Variants in PCYOX1L observed in about 807,000 individuals in gnomAD.
PCYOX1L encodes the protein prenylcysteine oxidase 1-like.
PCYOX1L carries 40 observed loss-of-function variants against 44.1 expected under a neutral mutation model. That is an observed-to-expected ratio of 0.91 (90% CI 0.70 to 1.18). The LOEUF (loss-of-function observed/expected upper bound fraction) is 1.18. PCYOX1L is among the 50% of genes most tolerant of loss of function. PCYOX1L has a pLI of 0.00. For synonymous variants in PCYOX1L, 266 were observed against 282.8 expected (o/e 0.94, Z 0.60); for missense variants, 605 against 653.3 (o/e 0.93, Z 0.81).
intron 4 of PCYOX1L, 34 bp from the exon 5 acceptor site, chr5:149,367,326 C>T: frequency 6.3e-7 from 1 of 1,590,936 alleles, no homozygotes; most frequent in Non-Finnish European, 8.5e-7. Context: ...ACGGCCCTGA[C>T]AACCTATCAG....
chr5:149,358,236 A>AT, intron 1 of PCYOX1L, 80 bp downstream of exon 1: 2 of 1,291,192 alleles, frequency 1.5e-6, no homozygotes, highest in Non-Finnish European at 2.0e-6. Flanking sequence ...TAGGTGGGGT[A>AT]TAGGAGGGCG....
intron 4 of PCYOX1L, among the ~76,000 whole-genome samples, chr5:149,367,011 C>A (rs549338385): frequency 6.6e-6 from 1 of 152,256 alleles, no homozygotes; most frequent in South Asian, 2.1e-4. Context: ...CAGAAAGAAA[C>A]CCCCTTGCCC....
rs931228949 is a variant in PCYOX1L, at chr5:149,365,968, A to G, written c.497A>G (p.Tyr166Cys). 7.4e-6 allele frequency: 12 copies of G among 1,614,236 alleles called. No homozygotes were observed. Among genetic ancestry groups the G allele is most frequent in the South Asian group, 4.4e-5 (4 of 91,078 alleles). The change falls in exon 4 of 6, where the codon TAT becomes TGT. Residue 166 changes from tyrosine to cysteine, a missense_variant. Tyr to Cys is a radical substitution (Grantham distance 194). Coordinates refer to ENST00000274569, the MANE Select transcript of PCYOX1L (RefSeq NM_024028.4). ...ATCTATAAGTACCAGGCCCACGGCT[A>G]TGCCTTCTCGGGTGTGGAGGAGCTG... ...MRIYKYQAHG[Y>C]AFSGVEELLY...
At chr5:149,360,917 CTCTGT>C (rs1757988797) in intron 1 of PCYOX1L, among the ~76,000 whole-genome samples, 1 of 152,214 alleles carries the variant, frequency 6.6e-6, no homozygotes, top group African/African-American at 2.4e-5. Context: ...GGAACTGGTA[CTCTGT>C]GGGTCCAAAT....
At chr5:149,363,704 C>A (rs749217155) in intron 2 of PCYOX1L, 6 of 336,466 alleles carry the variant, frequency 1.8e-5, no homozygotes, top group African/African-American at 4.2e-5. Flanking sequence ...GCTAGGATAA[C>A]TTCCAAGTGA....
At chr5:149,362,484 C>T in intron 1 of PCYOX1L, 153 bp from the exon 2 acceptor site, 3 of 740,164 alleles carry the variant, frequency 4.1e-6, no homozygotes, top group Non-Finnish European at 6.6e-6. Context: ...CTACTGACAA[C>T]TCAGTCCGCA....
Position 149,369,207 on chromosome 5 carries a change from C to T in PCYOX1L, c.*553C>T, listed in dbSNP as rs1458336567. The T allele has an allele frequency of 1.3e-5, 2 of 152,212 alleles. No homozygotes were observed. Among genetic ancestry groups the T allele is most frequent in the African/African-American group, 4.8e-5 (2 of 41,434 alleles). 9.4% of individuals were successfully genotyped at this position (152,212 alleles called of 1,614,324 possible). ...TTCAGAACTCCCTAGTCACCATCTCCAAGCCTGTCAACATCACTGCATATT... is the reference window on the plus strand; with the variant it reads ...TTCAGAACTCCCTAGTCACCATCTCTAAGCCTGTCAACATCACTGCATATT... On this transcript the variant is annotated 3_prime_UTR_variant, in exon 6 of 6. Coordinates refer to ENST00000274569, the MANE Select transcript of PCYOX1L (RefSeq NM_024028.4).
Position 149,368,024 on chromosome 5 carries a change from G to C in PCYOX1L, c.855G>C (p.Glu285Asp), listed in dbSNP as rs766554077. 1.3e-6 allele frequency: 2 copies of C among 1,553,026 alleles called. No individual in the cohort carries two copies. Among genetic ancestry groups the C allele is most frequent in the Non-Finnish European group, 1.7e-6 (2 of 1,153,050 alleles). ...EGKALYQVAY[E>D]NEVGNSSDFY... ...AAGCCCTGTACCAGGTGGCGTATGA[G>C]AATGAGGTAGGCAACAGCTCTGACT... Residue 285 changes from glutamate (E) to aspartate (D), a missense_variant, in exon 6 of 6, where the codon GAG becomes GAC. Physicochemically the swap from Glu to Asp is conservative, Grantham distance 45. Coordinates refer to ENST00000274569, the MANE Select transcript of PCYOX1L (RefSeq NM_024028.4).
In PCYOX1L at chr5:149,368,683, A is replaced by G; in HGVS notation, c.*29A>G. 2 of 1,496,164 alleles carry G rather than the reference A, an allele frequency of 1.3e-6. No homozygotes were observed. Among genetic ancestry groups the G allele is most frequent in the Non-Finnish European group, 1.8e-6 (2 of 1,129,430 alleles). 92.7% of individuals were successfully genotyped at this position (1,496,164 alleles called of 1,614,324 possible). ...CTCTAGGGAGAGCCTGGGAACTTTC[A>G]TCCCCCACTGAAGATGGATCATCCC... On this transcript the variant is annotated 3_prime_UTR_variant, in exon 6 of 6. Coordinates refer to ENST00000274569, the MANE Select transcript of PCYOX1L (RefSeq NM_024028.4).
At chr5:149,361,941 T>A (rs1008509495) in intron 1 of PCYOX1L, 6 of 144,030 alleles carry the variant, frequency 4.2e-5, no homozygotes, top group African/African-American at 1.8e-4. Flanking sequence ...TACATTCCAG[T>A]CTTGACAAAC....
chr5:149,368,073 AC>A lies in PCYOX1L; in HGVS notation c.910del (p.Leu304CysfsTer10), dbSNP rs1421574639. On this transcript the variant is annotated frameshift_variant, in exon 6 of 6. Transcript: ENST00000274569. LOFTEE classifies it high-confidence loss of function. ...CTTCTATGACATCGTGGTCATCGCC[AC>A]CCCCCTGCACCTGGACAACAGCAGC... The part of the protein sequence containing the change: ...SDFYDIVVIA[T>X]PLHLDNSSSN... 3.7e-6 allele frequency: 6 copies of A among 1,603,078 alleles called. No individual in the cohort carries two copies. Among genetic ancestry groups the A allele is most frequent in the Admixed American group, 1.7e-5 (1 of 58,542 alleles).
chr5:149,368,320 G>T lies in PCYOX1L; in HGVS notation c.1151G>T (p.Arg384Leu). The change falls in exon 6 of 6, where the codon CGG becomes CTG. Residue 384 changes from arginine to leucine, a missense_variant. Physicochemically the swap from Arg to Leu is moderately radical, Grantham distance 102. Coordinates refer to ENST00000274569, the MANE Select transcript of PCYOX1L (RefSeq NM_024028.4). The part of the protein sequence containing the change: ...ICPVNISASF[R>L]RKQPQEAAVW... ...CCTGTCAACATCTCTGCCAGCTTCC[G>T]GCGAAAGCAGCCCCAGGAGGCAGCT... 1 of 1,614,114 alleles carries T rather than the reference G, an allele frequency of 6.2e-7. No homozygotes were observed. The highest frequency in any genetic ancestry group is 8.5e-7 in the Non-Finnish European group (1 of 1,180,028).
chr5:149,360,245 C>A (rs760165890), intron 1 of PCYOX1L, among the ~76,000 whole-genome samples: 13 of 152,166 alleles, frequency 8.5e-5, no homozygotes, highest in Non-Finnish European at 1.6e-4. Flanking sequence ...CCCAGGACAT[C>A]TTACTGTAAA....
Position 149,367,880 on chromosome 5 carries a change from C to T in PCYOX1L, c.824-113C>T, listed in dbSNP as rs1409763770. On this transcript the variant is annotated intron_variant, in intron 5 of 5. Coordinates refer to ENST00000274569, the MANE Select transcript of PCYOX1L (RefSeq NM_024028.4). ...GGCCAGGACCCACCATTTAGACAGC[C>T]CTGCTGCACCCTGAGCACCAGGGTC... The T allele has an allele frequency of 3.4e-6, 4 of 1,173,948 alleles. No homozygotes were observed. In the Admixed American group the frequency reaches 9.7e-5, roughly 28 times the overall value. 72.7% of individuals were successfully genotyped at this position (1,173,948 alleles called of 1,614,324 possible). A position where few individuals can be genotyped will look rare whatever the true frequency, so the allele number is the denominator to read the frequency against.
Position 149,368,017 on chromosome 5 carries a change from C to T in PCYOX1L, c.848C>T (p.Ala283Val), listed in dbSNP as rs540565300. The T allele has an allele frequency of 1.4e-5, 22 of 1,545,018 alleles. No homozygotes were observed. Among genetic ancestry groups the T allele is most frequent in the African/African-American group, 1.2e-4 (9 of 72,500 alleles). Residue 283 changes from alanine (A) to valine (V), a missense_variant, in exon 6 of 6, where the codon GCG (alanine) becomes GTG (valine). Physicochemically the swap from Ala to Val is moderately conservative, Grantham distance 64. Transcript: ENST00000274569. The stretch of plus-strand genomic sequence containing the variant: ...GAGGGGAAAGCCCTGTACCAGGTGG[C>T]GTATGAGAATGAGGTAGGCAACAGC... ...STEGKALYQV[A>V]YENEVGNSSD... is the part of the protein sequence containing the mutation.
Position 149,368,024 on chromosome 5 carries a change from G to A in PCYOX1L, c.855G>A (p.Glu285=), listed in dbSNP as rs766554077. 1 of 1,552,908 alleles carries A rather than the reference G, an allele frequency of 6.4e-7. No homozygotes were observed. The highest frequency in any genetic ancestry group is 8.7e-7 in the Non-Finnish European group (1 of 1,153,058). Reference sequence around the variant, plus strand: ...AAGCCCTGTACCAGGTGGCGTATGAGAATGAGGTAGGCAACAGCTCTGACT... The same window carrying A: ...AAGCCCTGTACCAGGTGGCGTATGAAAATGAGGTAGGCAACAGCTCTGACT... ...EGKALYQVAY[E]NEVGNSSDFY... is the part of the protein sequence containing the mutation. The change falls in exon 6 of 6, where the codon GAG becomes GAA. Residue 285 remains glutamate (E), a synonymous_variant. Transcript: ENST00000274569.
chr5:149,365,527 A>G, intron 3 of PCYOX1L: 1 of 227,040 alleles, frequency 4.4e-6, no homozygotes, highest in Non-Finnish European at 8.9e-6. Context: ...TGACAGTATC[A>G]GCATGAAGTT....
In PCYOX1L at chr5:149,369,282, G is replaced by GTCGTCACCTA. The variant is rs1225606075; in HGVS notation, c.*636_*637insTATCGTCACC. The stretch of plus-strand genomic sequence containing the variant: ...CAAGGAAGAGATGTGTGCCTGAATA[G>GTCGTCACCTA]TCGTCACCATATCTCCAAGCTTCCT... On this transcript the variant is annotated 3_prime_UTR_variant, in exon 6 of 6. Transcript: ENST00000274569. 2 of 152,222 alleles carry GTCGTCACCTA rather than the reference G, an allele frequency of 1.3e-5. No homozygotes were observed. Among genetic ancestry groups the GTCGTCACCTA allele is most frequent in the Non-Finnish European group, 2.9e-5 (2 of 68,038 alleles). The allele number at this position is 152,222 out of a possible 1,614,324, so 9.4% of individuals were successfully genotyped here.
chr5:149,363,832 A>G lies in PCYOX1L; in HGVS notation c.296-204A>G, dbSNP rs958943434. On this transcript the variant is annotated intron_variant, in intron 2 of 5. Coordinates refer to ENST00000274569, the MANE Select transcript of PCYOX1L (RefSeq NM_024028.4). ...GATCCTCCTGGGGAAAAAAAATGTA[A>G]AATGTTACATTATTTTCATTTTCAT... 6.7e-6 allele frequency: 4 copies of G among 599,346 alleles called. No homozygotes were observed. In the Admixed American group the frequency reaches 9.6e-5, roughly 14 times the overall value. 37.1% of individuals were successfully genotyped at this position (599,346 alleles called of 1,614,324 possible).
Sources: gnomAD v4.1 joint callset for allele counts (sites outside exome capture counted in the v4.1 genomes callset) on GRCh38, gnomAD v4.1.1 for gene constraint, MANE v1.5 for transcripts, NCBI Gene and HGNC (gene_info 2026-07-23, HGNC 2026-07-21) for gene names.